The following ZBTB2 variants were observed in gnomAD, a reference collection of about 807,000 sequenced individuals.
ZBTB2 encodes zinc finger and BTB domain containing 2, also known as zinc finger and BTB domain-containing protein 2.
Under a neutral mutation model 39.5 loss-of-function variants are expected in ZBTB2, and 2 were observed. The ratio of observed to expected loss-of-function variants is 0.05; its 90% CI spans 0.02 to 0.16. The LOEUF is 0.16. Ranked by LOEUF, ZBTB2 falls within the 10% of genes least tolerant of loss-of-function variation. ZBTB2 has a pLI of 1.00. For missense variants in ZBTB2, 391 were observed against 653.0 expected (o/e 0.60, Z 4.37); for synonymous variants, 251 against 256.6 (o/e 0.98, Z 0.21).
chr6:151,390,063 A>C (rs1288118245), intron 1 of ZBTB2, among the ~76,000 whole-genome samples: 2 of 151,926 alleles, frequency 1.3e-5, no homozygotes, highest in Admixed American at 1.3e-4. Context: ...AAGGCTAAGC[A>C]GCCGAAAGCA....
chr6:151,367,849 C>G (rs540230979), intron 2 of ZBTB2, among the ~76,000 whole-genome samples: 50 of 152,338 alleles, frequency 3.3e-4, no homozygotes, highest in Non-Finnish European at 4.7e-4. Context: ...TTTATCATTT[C>G]AGAAACATCA....
intron 2 of ZBTB2, chr6:151,370,281 G>A (rs1778759431): frequency 6.4e-6 from 1 of 155,708 alleles, no homozygotes; most frequent in Admixed American, 6.5e-5. Flanking sequence ...GATTACAGGT[G>A]CACGCCACGA....
chr6:151,391,100 C>T (rs1779295720), intron 1 of ZBTB2, among the ~76,000 whole-genome samples: 1 of 148,582 alleles, frequency 6.7e-6, no homozygotes, highest in African/African-American at 2.5e-5. Flanking sequence ...ATGGAGGCGC[C>T]GCCGACTCGC....
At chr6:151,372,748 G>A (rs1778811846) in intron 2 of ZBTB2, among the ~76,000 whole-genome samples, 1 of 152,094 alleles carries the variant, frequency 6.6e-6, no homozygotes, top group African/African-American at 2.4e-5. Flanking sequence ...CTGAAAGTCA[G>A]GGGGATACTC....
intron 1 of ZBTB2, among the ~76,000 whole-genome samples, chr6:151,384,489 G>C (rs2114878161): frequency 6.6e-6 from 1 of 152,266 alleles, no homozygotes; most frequent in Admixed American, 6.5e-5. Context: ...AAATTGACAG[G>C]ATTCAAAAGA....
rs9479024 is a variant in ZBTB2, at chr6:151,373,542, A to G, written c.96T>C (p.Asp32=). The change falls in exon 2 of 3, where the codon GAT becomes GAC. Residue 32 remains aspartate (D), a synonymous_variant. Transcript: ENST00000325144. ...FLCDCTVAIG[D]VYFKAHKSVL... Reference sequence around the variant, plus strand: ...CTGATTTGTGTGCCTTGAAGTATACATCGCCGATTGCAACCGTGCAGTCAC... The same window carrying G: ...CTGATTTGTGTGCCTTGAAGTATACGTCGCCGATTGCAACCGTGCAGTCAC... 7.6e-4 allele frequency: 1,219 copies of G among 1,614,204 alleles called. 7 individuals carry two copies. In the African/African-American group the frequency reaches 0.015, roughly 19 times the overall value.
At chr6:151,380,591 C>T (rs773295628) in intron 1 of ZBTB2, among the ~76,000 whole-genome samples, 1 of 152,218 alleles carries the variant, frequency 6.6e-6, no homozygotes, top group Non-Finnish European at 1.5e-5. Flanking sequence ...TCACCAAGAT[C>T]ACCAAGGACC....
chr6:151,385,434 T>C (rs1224309572), intron 1 of ZBTB2, among the ~76,000 whole-genome samples: 1 of 152,200 alleles, frequency 6.6e-6, no homozygotes, highest in Non-Finnish European at 1.5e-5. Flanking sequence ...CTCATCCTTT[T>C]AGAAGTGCAG....
rs1283624188 is a variant in ZBTB2, at chr6:151,391,441, C to CGG, written c.-36_-35dup. 6.6e-6 allele frequency: 1 copy of CGG among 151,956 alleles called. No homozygotes were observed. The highest frequency in any genetic ancestry group is 2.4e-5 in the African/African-American group (1 of 41,282). The allele number at this position is 151,956 out of a possible 1,614,324, so 9.4% of individuals were successfully genotyped here. On this transcript the variant is annotated 5_prime_UTR_variant, in exon 1 of 3. Transcript: ENST00000325144. The stretch of plus-strand genomic sequence containing the variant: ...TTACCTGTCGCCGGTGCTGCTGCGG[C>CGG]GGGGGGTGTGGAGGAGGCGCCTCTG...
At chr6:151,379,838 G>T (rs1327572165) in intron 1 of ZBTB2, among the ~76,000 whole-genome samples, 2 of 151,904 alleles carry the variant, frequency 1.3e-5, no homozygotes, top group Non-Finnish European at 2.9e-5. Flanking sequence ...TGAGGTTTTG[G>T]TTTTTACATG....
chr6:151,376,245 GA>G (rs1401312832), intron 1 of ZBTB2, among the ~76,000 whole-genome samples: 1 of 152,120 alleles, frequency 6.6e-6, no homozygotes, highest in African/African-American at 2.4e-5. Context: ...AAACTTTTGG[GA>G]AAAAAAGTAA....
rs367759027 is a variant in ZBTB2 at position 151,366,195 on chromosome 6, C to A, written c.871G>T (p.Val291Phe). The A allele has an allele frequency of 6.8e-6, 11 of 1,613,978 alleles. No homozygotes were observed. Among genetic ancestry groups the A allele is most frequent in the Middle Eastern group, 1.6e-4 (1 of 6,084 alleles). The stretch of plus-strand genomic sequence containing the variant: ...GCATTGCTACAGAGAGTCAGGGGGA[C>A]GCGACTTTCTCCCTGTTGGCTAGAT... ...FTSSQQGESR[V>F]PLTLCSNAAD... Residue 291 changes from valine (V) to phenylalanine (F), a missense_variant, in exon 3 of 3, where the codon GTC (valine) becomes TTC (phenylalanine). Transcript: ENST00000325144. The surrounding 1 kb of genome is among the most constrained non-coding windows in gnomAD (Gnocchi z 7.1).
intron 1 of ZBTB2, among the ~76,000 whole-genome samples, chr6:151,375,668 T>C (rs1778891319): frequency 6.6e-6 from 1 of 152,218 alleles, no homozygotes; most frequent in African/African-American, 2.4e-5. Context: ...GCAATTCTCC[T>C]GCCTCAGCCT....
intron 1 of ZBTB2, among the ~76,000 whole-genome samples, chr6:151,390,088 C>G (rs1411060196): frequency 6.6e-6 from 1 of 152,100 alleles, no homozygotes; most frequent in Non-Finnish European, 1.5e-5. Flanking sequence ...GCGCTCGGGG[C>G]CAAACCGGGC....
intron 1 of ZBTB2, among the ~76,000 whole-genome samples, chr6:151,384,389 A>C (rs908824228): frequency 2.6e-5 from 4 of 152,168 alleles, no homozygotes; most frequent in Admixed American, 6.5e-5. Flanking sequence ...CGGGCAAGTG[A>C]AGACCTGCTG....
intron 1 of ZBTB2, among the ~76,000 whole-genome samples, chr6:151,390,196 G>C (rs1005785703): frequency 6.6e-6 from 1 of 151,858 alleles, no homozygotes; most frequent in African/African-American, 2.4e-5. Flanking sequence ...CAGCCTCAGC[G>C]AGCAGGCGAC....
rs753403425 is a variant in ZBTB2 at position 151,366,442 on chromosome 6, G to A, written c.624C>T (p.Ser208=). The A allele has an allele frequency of 1.9e-6, 3 of 1,614,068 alleles. No individual in the cohort carries two copies. The Admixed American group carries it at 5.0e-5, about 27-fold the overall frequency. Residue 208 remains serine (S), a synonymous_variant, in exon 3 of 3, where the codon TCC becomes TCT. Coordinates refer to ENST00000325144, the MANE Select transcript of ZBTB2 (RefSeq NM_020861.3). The surrounding 1 kb of genome is among the most constrained non-coding windows in gnomAD (Gnocchi z 7.1). ...LQTSLSPELV[S]TPVPPPPPGE... Reference sequence around the variant, plus strand: ...CGGGAGGAGGGGGAGGAACAGGAGTGGAAACAAGTTCTGGAGACAGCGAGG... The same window carrying A: ...CGGGAGGAGGGGGAGGAACAGGAGTAGAAACAAGTTCTGGAGACAGCGAGG...
Position 151,390,536 on chromosome 6 carries a change from C to CCGGGGG in ZBTB2, c.-13+878_-13+883dup, listed in dbSNP as rs1207151671. Among the ~76,000 whole-genome samples the CCGGGGG allele has an allele frequency of 7.3e-5, 11 of 150,744 alleles. No homozygotes were observed. In the East Asian group the frequency reaches 2.0e-3, roughly 28 times the overall value. On this transcript the variant is annotated intron_variant, in intron 1 of 2. Transcript: ENST00000325144. The stretch of plus-strand genomic sequence containing the variant: ...CCCGGCCGGCGCAACAGCCCCGGCG[C>CCGGGGG]CGGGGGCGGGGGTGGCCCAGACAGG...
Position 151,365,809 on chromosome 6 carries a change from G to T in ZBTB2, c.1257C>A (p.Thr419=), listed in dbSNP as rs35497457. Residue 419 remains threonine (T), a synonymous_variant, in exon 3 of 3, where the codon ACC becomes ACA. Transcript: ENST00000325144. This position sits in a 1 kb window ranked among gnomAD's most constrained non-coding sequence, Gnocchi z 5.6. ...VCLNQSIDTY[T]MVDKQTLELC... ...GTTCCAGAGTCTGTTTGTCCACCAT[G>T]GTGTAAGTGTCGATGCTCTGGTTGA... is the stretch of plus-strand genomic sequence containing the variant. 1.0e-3 allele frequency: 1,643 copies of T among 1,614,184 alleles called. 21 individuals carry two copies. In the African/African-American group the frequency reaches 0.019, roughly 19 times the overall value.
Sources: allele counts gnomAD v4.1 joint callset (sites outside exome capture counted in the v4.1 genomes callset), GRCh38; gene constraint gnomAD v4.1.1; non-coding constraint Gnocchi (gnomAD v3.1); transcripts MANE v1.5; gene names NCBI Gene and HGNC (gene_info 2026-07-23, HGNC 2026-07-21).